The following EVI5 variants were observed in gnomAD, a reference collection of about 807,000 sequenced individuals.
EVI5 encodes ecotropic viral integration site 5.
A neutral mutation model predicts 112.0 loss-of-function variants in EVI5; 73 were observed. The ratio of observed to expected loss-of-function variants is 0.65; its 90% CI spans 0.54 to 0.79. EVI5 has a LOEUF of 0.79. EVI5 is among the 30% of genes least tolerant of loss of function. EVI5 has a pLI of 0.00. For synonymous variants in EVI5, 305 were observed against 319.9 expected (o/e 0.95, Z 0.50); for missense variants, 900 against 968.8 (o/e 0.93, Z 0.94).
At chr1:92,540,737 A>G (rs1664651813) in intron 19 of EVI5, among the ~76,000 whole-genome samples, 1 of 152,142 alleles carries the variant, frequency 6.6e-6, no homozygotes, top group African/African-American at 2.4e-5. Context: ...GTCATATCTA[A>G]GACAATGAAT....
At chr1:92,578,061 T>C (rs1571655817) in intron 18 of EVI5, among the ~76,000 whole-genome samples, 1 of 152,210 alleles carries the variant, frequency 6.6e-6, no homozygotes, top group Non-Finnish European at 1.5e-5. Context: ...CTAGATTAAG[T>C]TAAGATTCTG....
At chr1:92,751,227 C>T (rs772995624) in intron 1 of EVI5, among the ~76,000 whole-genome samples, 1 of 152,136 alleles carries the variant, frequency 6.6e-6, no homozygotes, top group Non-Finnish European at 1.5e-5. Flanking sequence ...GACTATGTAA[C>T]TTTAGTCACA....
intron 9 of EVI5, among the ~76,000 whole-genome samples, chr1:92,678,160 T>C (rs1667041772): frequency 6.6e-6 from 1 of 152,172 alleles, no homozygotes; most frequent in African/African-American, 2.4e-5. Context: ...CATCATGCAA[T>C]ATGCCCATGA....
At chr1:92,531,663 C>A (rs1014858571) in intron 19 of EVI5, among the ~76,000 whole-genome samples, 4 of 152,104 alleles carry the variant, frequency 2.6e-5, no homozygotes, top group Admixed American at 6.6e-5. Flanking sequence ...AATTTTCAAC[C>A]CAGAATTTCA....
rs369644466 is a variant in EVI5, at chr1:92,628,563, C to T, written c.1528-2629G>A. 9.9e-5 allele frequency among the ~76,000 whole-genome samples: 15 copies of T among 152,220 alleles called. No individual in the cohort carries two copies. In the East Asian group the frequency reaches 2.5e-3, roughly 25 times the overall value. On this transcript the variant is annotated intron_variant, in intron 14 of 19. Coordinates refer to ENST00000684568, the MANE Select transcript of EVI5 (RefSeq NM_001350197.2). ...CCTACATGTGGCTAGCCAATTATCCCAGCACACGGATACAAGACTTAGATC... is the reference window on the plus strand; with the variant it reads ...CCTACATGTGGCTAGCCAATTATCCTAGCACACGGATACAAGACTTAGATC...
intron 14 of EVI5, among the ~76,000 whole-genome samples, chr1:92,626,184 C>T (rs1051100609): frequency 6.6e-6 from 1 of 152,074 alleles, no homozygotes; most frequent in African/African-American, 2.4e-5. Context: ...AAAAAGAAAA[C>T]CTATACTCAT....
chr1:92,592,614 A>C (rs1321057753), intron 18 of EVI5, among the ~76,000 whole-genome samples: 2 of 152,210 alleles, frequency 1.3e-5, no homozygotes, highest in Non-Finnish European at 2.9e-5. Flanking sequence ...CCCTTCAAAA[A>C]ATCAATGAAT....
At chr1:92,649,994 G>C (rs1172743234) in intron 13 of EVI5, among the ~76,000 whole-genome samples, 2 of 152,194 alleles carry the variant, frequency 1.3e-5, no homozygotes, top group South Asian at 2.1e-4. Flanking sequence ...ACTGGCCATA[G>C]ATGTATGGGT....
chr1:92,711,828 T>G (rs1449870926), intron 2 of EVI5, among the ~76,000 whole-genome samples: 2 of 152,196 alleles, frequency 1.3e-5, no homozygotes, highest in African/African-American at 4.8e-5. Flanking sequence ...TGAGCTTCTA[T>G]AACAAAATAT....
At chr1:92,632,760 G>A (rs1657492679) in intron 14 of EVI5, among the ~76,000 whole-genome samples, 1 of 152,026 alleles carries the variant, frequency 6.6e-6, no homozygotes, top group African/African-American at 2.4e-5. Context: ...TTTTAATTGT[G>A]ATGTTAGGGT....
intron 2 of EVI5, among the ~76,000 whole-genome samples, chr1:92,724,510 G>A (rs755878136): frequency 6.6e-6 from 1 of 152,060 alleles, no homozygotes; most frequent in Non-Finnish European, 1.5e-5. Flanking sequence ...ATCGAACAAT[G>A]ATTTTCAAGA....
chr1:92,601,136 A>G (rs777052930), intron 18 of EVI5, among the ~76,000 whole-genome samples: 2 of 152,204 alleles, frequency 1.3e-5, no homozygotes, highest in African/African-American at 2.4e-5. Flanking sequence ...GATTCCAGTG[A>G]CCACTTTATC....
chr1:92,645,791 T>C (rs547915335), intron 13 of EVI5, among the ~76,000 whole-genome samples: 1 of 152,332 alleles, frequency 6.6e-6, no homozygotes, highest in Admixed American at 6.5e-5. Context: ...TCCAAATTAA[T>C]GTCTCTTATA....
At chr1:92,757,907 CAAAAAA>C (rs71091299) in intron 1 of EVI5, among the ~76,000 whole-genome samples, 2 of 70,290 alleles carry the variant, frequency 2.8e-5, no homozygotes, top group Non-Finnish European at 5.5e-5. Context: ...GACTCTGCCT[CAAAAAA>C]AAAAAAAAAA....
At chr1:92,571,062 T>C (rs1338721409) in intron 18 of EVI5, among the ~76,000 whole-genome samples, 3 of 151,720 alleles carry the variant, frequency 2.0e-5, no homozygotes, top group Non-Finnish European at 4.4e-5. Context: ...AGTTGTCTTA[T>C]TTAGATTTAA....
intron 1 of EVI5, among the ~76,000 whole-genome samples, chr1:92,765,576 A>C (rs1323949566): frequency 1.3e-5 from 2 of 151,848 alleles, no homozygotes; most frequent in African/African-American, 4.8e-5. Context: ...GACACGAAAC[A>C]AAACCCATGC....
Position 92,513,898 on chromosome 1 carries a change from A to C in EVI5, c.2239T>G (p.Leu747Val), listed in dbSNP as rs1399935121. 10 of 1,608,474 alleles carry C rather than the reference A, an allele frequency of 6.2e-6. No individual in the cohort carries two copies. The African/African-American group carries it at 1.3e-4, about 22-fold the overall frequency. The change falls in exon 20 of 20, where the codon TTA becomes GTA. Residue 747 changes from leucine to valine, a missense_variant. Coordinates refer to ENST00000684568, the MANE Select transcript of EVI5 (RefSeq NM_001350197.2). Reference sequence around the variant, plus strand: ...TGGAATGATTCATCATCTCCTATTAAATGGTTGACAATGTGGATTCCATCA... The same window carrying C: ...TGGAATGATTCATCATCTCCTATTACATGGTTGACAATGTGGATTCCATCA... ...PFDGIHIVNH[L>V]IGDDESFHSS...
At chr1:92,662,387 AATG>A (rs1269492914) in intron 13 of EVI5, among the ~76,000 whole-genome samples, 1 of 152,226 alleles carries the variant, frequency 6.6e-6, no homozygotes. Context: ...CTGTTAGCAA[AATG>A]ATACCTATTA....
intron 18 of EVI5, among the ~76,000 whole-genome samples, chr1:92,590,426 T>C (rs905435694): frequency 6.6e-6 from 1 of 152,062 alleles, no homozygotes; most frequent in Non-Finnish European, 1.5e-5. Flanking sequence ...TTAAAGGAGC[T>C]GATGGAGCTG....
Sources: gnomAD v4.1 joint callset for allele counts (sites outside exome capture counted in the v4.1 genomes callset) on GRCh38, gnomAD v4.1.1 for gene constraint, MANE v1.5 for transcripts, NCBI Gene and HGNC (gene_info 2026-07-23, HGNC 2026-07-21) for gene names.